EPHA4: variants seen among roughly 807,000 people sequenced by gnomAD.
EPHA4 encodes the protein ephrin type-A receptor 4.
A neutral mutation model predicts 108.3 loss-of-function variants in EPHA4; 19 were observed. The ratio of observed to expected loss-of-function variants is 0.18; its 90% CI spans 0.12 to 0.26. The LOEUF (loss-of-function observed/expected upper bound fraction) is 0.26, where lower values mean the gene tolerates loss of function less well. Among genes scored for constraint, EPHA4 ranks in the 10% least tolerant of loss-of-function variants. The probability of loss-of-function intolerance (pLI) is 1.00; values close to 1 mark genes in which losing one functional copy is unlikely to be tolerated. For synonymous variants in EPHA4, 449 were observed against 455.5 expected, an observed-to-expected ratio of 0.99 and a Z score of 0.18; for missense variants, 917 against 1,254.0, an observed-to-expected ratio of 0.73 and a Z score of 4.06.
chr2:221,553,806 C>G (rs187900158), intron 3 of EPHA4, among the ~76,000 whole-genome samples: 72 of 152,240 alleles, frequency 4.7e-4, no homozygotes, highest in Non-Finnish European at 8.8e-4. Flanking sequence ...TGTCTAACAT[C>G]CTAATTATTG....
intron 17 of EPHA4, among the ~76,000 whole-genome samples, chr2:221,422,454 T>G (rs1689786780): frequency 6.6e-6 from 1 of 152,222 alleles, no homozygotes; most frequent in Admixed American, 6.5e-5. Context: ...TGCCAATTCC[T>G]TCTCCACTTA....
intron 8 of EPHA4, among the ~76,000 whole-genome samples, chr2:221,451,825 T>C (rs1442572851): frequency 6.6e-6 from 1 of 152,198 alleles, no homozygotes; most frequent in Admixed American, 6.5e-5. Context: ...TTTTATAAAT[T>C]TAGTAGTTTG....
chr2:221,426,695 C>T, intron 15 of EPHA4, 76 bp from the exon 16 acceptor site: 1 of 1,321,498 alleles, frequency 7.6e-7, no homozygotes, highest in Middle Eastern at 2.2e-4. Flanking sequence ...CTGATTGCCT[C>T]AAATAGGCAA....
At chr2:221,469,847 C>T (rs1691424309) in intron 5 of EPHA4, among the ~76,000 whole-genome samples, 1 of 152,120 alleles carries the variant, frequency 6.6e-6, no homozygotes, top group Non-Finnish European at 1.5e-5. Flanking sequence ...CCAAGCCATC[C>T]AATTCTCCAT....
intron 8 of EPHA4, among the ~76,000 whole-genome samples, chr2:221,452,233 C>T (rs1690809595): frequency 6.6e-6 from 1 of 152,242 alleles, no homozygotes; most frequent in Non-Finnish European, 1.5e-5. Context: ...CCAGCATAAA[C>T]ATTTAGTGAT....
chr2:221,483,676 T>G (rs1378067033), intron 4 of EPHA4, among the ~76,000 whole-genome samples: 1 of 152,078 alleles, frequency 6.6e-6, no homozygotes, highest in Non-Finnish European at 1.5e-5. Context: ...CCACCACACC[T>G]GCTATCTTTG....
At chr2:221,444,124 T>A (rs16862666) in intron 9 of EPHA4, among the ~76,000 whole-genome samples, 5 of 152,088 alleles carry the variant, frequency 3.3e-5, no homozygotes, top group Non-Finnish European at 1.5e-5. Context: ...AAGGTTAATA[T>A]CAGCTAGTTG....
chr2:221,535,721 T>C (rs1401660018), intron 3 of EPHA4, among the ~76,000 whole-genome samples: 1 of 152,200 alleles, frequency 6.6e-6, no homozygotes, highest in Non-Finnish European at 1.5e-5. Flanking sequence ...ATGCCTAAAG[T>C]GGTAGAACAA....
chr2:221,464,908 CCTT>C (rs774661466), intron 5 of EPHA4, among the ~76,000 whole-genome samples: 2 of 152,116 alleles, frequency 1.3e-5, no homozygotes, highest in Non-Finnish European at 2.9e-5. Flanking sequence ...TGATTTTTCT[CCTT>C]ATTTGACACA....
upstream of EPHA4, chr2:221,573,378 AC>A (rs1694907947): frequency 6.6e-6 from 1 of 152,280 alleles, no homozygotes; most frequent in East Asian, 2.0e-4. The surrounding 1 kb of genome is among the most constrained non-coding windows in gnomAD (Gnocchi z 4.5). Flanking sequence ...GGGCACTGGC[AC>A]CATCGGGCTG....
intron 4 of EPHA4, among the ~76,000 whole-genome samples, chr2:221,484,298 G>GT (rs1691916258): frequency 6.6e-6 from 1 of 152,032 alleles, no homozygotes; most frequent in Non-Finnish European, 1.5e-5. Context: ...TTTTTTAGTG[G>GT]TAACATTTAA....
chr2:221,471,828 C>A (rs1691495988), intron 5 of EPHA4, among the ~76,000 whole-genome samples: 1 of 152,138 alleles, frequency 6.6e-6, no homozygotes, highest in Non-Finnish European at 1.5e-5. Context: ...AGGATACTTT[C>A]AGAGGGGGTA....
chr2:221,525,387 C>A (rs187486415), intron 3 of EPHA4, among the ~76,000 whole-genome samples: 1 of 152,164 alleles, frequency 6.6e-6, no homozygotes, highest in East Asian at 1.9e-4. Context: ...CCATATGCTC[C>A]GTAAATTTCC....
At chr2:221,502,704 C>T (rs996749136) in intron 3 of EPHA4, 6 of 409,442 alleles carry the variant, frequency 1.5e-5, no homozygotes, top group Middle Eastern at 7.0e-4. Context: ...TAATGGCAAG[C>T]GGAAAGGGAA....
Position 221,459,628 on chromosome 2 carries a change from T to A in EPHA4, c.1319-1638A>T, listed in dbSNP as rs1691079538. Among the ~76,000 whole-genome samples, 4 of 152,112 alleles carry A rather than the reference T, an allele frequency of 2.6e-5. No homozygotes were observed. In the South Asian group the frequency reaches 8.3e-4, roughly 31 times the overall value. On this transcript the variant is annotated intron_variant, in intron 5 of 17. Coordinates refer to ENST00000281821, the MANE Select transcript of EPHA4 (RefSeq NM_004438.5). ...TTTCCTGGTTGACACAAAGCCATTG[T>A]CCAACAAAATGCAAAAAGTGACTTT...
At chr2:221,444,731 T>C (rs1690534428) in intron 9 of EPHA4, among the ~76,000 whole-genome samples, 1 of 144,710 alleles carries the variant, frequency 6.9e-6, no homozygotes, top group Non-Finnish European at 1.5e-5. Context: ...CCAGTCCCTC[T>C]CTTTTTTTCT....
At chr2:221,568,889 T>C in intron 1 of EPHA4, 104 bp from the exon 2 acceptor site, 1 of 820,126 alleles carries the variant, frequency 1.2e-6, no homozygotes, top group Admixed American at 2.7e-5. Flanking sequence ...GCTGTGCATA[T>C]CCAACACTGA....
At chr2:221,512,472 C>T (rs1375406345) in intron 3 of EPHA4, among the ~76,000 whole-genome samples, 1 of 152,226 alleles carries the variant, frequency 6.6e-6, no homozygotes, top group African/African-American at 2.4e-5. Flanking sequence ...TAACACCTAA[C>T]TTGATTGCCC....
chr2:221,479,336 C>A (rs1423810009), intron 5 of EPHA4, among the ~76,000 whole-genome samples: 1 of 152,134 alleles, frequency 6.6e-6, no homozygotes, highest in African/African-American at 2.4e-5. Flanking sequence ...AACATAGGAC[C>A]CAAGAATTCT....
Sources: allele counts gnomAD v4.1 joint callset (sites outside exome capture counted in the v4.1 genomes callset), GRCh38; gene constraint gnomAD v4.1.1; non-coding constraint Gnocchi (gnomAD v3.1); transcripts MANE v1.5; gene names NCBI Gene and HGNC (gene_info 2026-07-23, HGNC 2026-07-21).